Variants in HMGCLL1 observed in about 807,000 individuals in gnomAD.
HMGCLL1 encodes the protein 3-hydroxy-3-methylglutaryl-CoA lyase like 1.
HMGCLL1 carries 36 observed loss-of-function variants against 39.1 expected under a neutral mutation model. The observed-to-expected ratio is 0.92, with a 90% CI of 0.71 to 1.22. HMGCLL1 has a LOEUF of 1.22. HMGCLL1 is among the 50% of genes most tolerant of loss of function. The pLI is 0.00. For missense variants in HMGCLL1, 451 were observed against 416.5 expected (o/e 1.08, Z -0.72); for synonymous variants, 149 against 144.0 (o/e 1.03, Z -0.25).
chr6:55,447,513 T>G (rs998967408), intron 7 of HMGCLL1, among the ~76,000 whole-genome samples: 1 of 151,906 alleles, frequency 6.6e-6, no homozygotes, highest in Non-Finnish European at 1.5e-5. Flanking sequence ...CAAAAGGAGA[T>G]AGATTATATT....
the HMGCLL1 span, among the ~76,000 whole-genome samples, chr6:55,657,591 C>G: frequency 6.6e-6 from 1 of 151,542 alleles, no homozygotes; most frequent in Admixed American, 6.6e-5. Flanking sequence ...TACTGTAGCT[C>G]TATAGTATAG....
the HMGCLL1 span, among the ~76,000 whole-genome samples, chr6:55,621,298 C>T: frequency 1.3e-5 from 2 of 152,150 alleles, no homozygotes; most frequent in Non-Finnish European, 2.9e-5. Flanking sequence ...CAGTTTCTTG[C>T]ATGACTGTTT....
At chr6:55,600,634 A>T in the HMGCLL1 span, among the ~76,000 whole-genome samples, 2 of 152,138 alleles carry the variant, frequency 1.3e-5, no homozygotes, top group African/African-American at 2.4e-5. Context: ...AAAATATATT[A>T]ATCAAGATAT....
Position 55,504,869 on chromosome 6 carries a change from G to T in HMGCLL1, c.543-5570C>A, listed in dbSNP as rs370034467. Among the ~76,000 whole-genome samples, 110 of 151,660 alleles carry T rather than the reference G, an allele frequency of 7.3e-4. 1 individual carries two copies. In the Middle Eastern group the frequency reaches 0.017, roughly 23 times the overall value. The stretch of plus-strand genomic sequence containing the variant: ...TTTTTATAGTAAACAAATAGGTAAG[G>T]TTTATTTATGTTCTAAATCCTGTAG... On this transcript the variant is annotated intron_variant, in intron 5 of 8. Coordinates refer to ENST00000274901, the MANE Select transcript of HMGCLL1 (RefSeq NM_001042406.2).
At chr6:55,661,655 A>G in the HMGCLL1 span, among the ~76,000 whole-genome samples, 36 of 152,072 alleles carry the variant, frequency 2.4e-4, no homozygotes, top group African/African-American at 8.4e-4. Context: ...TGATGCCTCC[A>G]GCCTTATTCT....
the HMGCLL1 span, among the ~76,000 whole-genome samples, chr6:55,604,609 C>T: frequency 6.6e-6 from 1 of 152,136 alleles, no homozygotes; most frequent in South Asian, 2.1e-4. Context: ...TTTTCAAGGG[C>T]TATTGACAAA....
chr6:55,491,919 T>G (rs2127420926), intron 7 of HMGCLL1, among the ~76,000 whole-genome samples: 1 of 151,856 alleles, frequency 6.6e-6, no homozygotes, highest in East Asian at 1.9e-4. Flanking sequence ...AAATCATATA[T>G]TTAAGTAATA....
chr6:55,644,167 C>T, the HMGCLL1 span, among the ~76,000 whole-genome samples: 22 of 152,050 alleles, frequency 1.4e-4, no homozygotes, highest in Admixed American at 3.9e-4. Flanking sequence ...TGATGTTGAG[C>T]ACTTTTTCAT....
At chr6:55,477,930 A>G (rs1209056327) in intron 7 of HMGCLL1, among the ~76,000 whole-genome samples, 2 of 151,090 alleles carry the variant, frequency 1.3e-5, no homozygotes, top group Non-Finnish European at 3.0e-5. Flanking sequence ...TAAAAATCAA[A>G]CAGAGTCGAT....
intron 7 of HMGCLL1, among the ~76,000 whole-genome samples, chr6:55,477,273 AT>A (rs1765415515): frequency 5.5e-5 from 1 of 18,300 alleles, no homozygotes; most frequent in African/African-American, 5.1e-4. Context: ...TATATAATAT[AT>A]ATTATATATT....
chr6:55,628,567 G>A, the HMGCLL1 span, among the ~76,000 whole-genome samples: 6 of 151,812 alleles, frequency 4.0e-5, no homozygotes, highest in Admixed American at 3.3e-4. Context: ...GCCTCTTTCA[G>A]CCCTTTAAAT....
At chr6:55,662,356 T>A in the HMGCLL1 span, among the ~76,000 whole-genome samples, 3 of 151,598 alleles carry the variant, frequency 2.0e-5, no homozygotes, top group East Asian at 5.9e-4. Flanking sequence ...TAAGGTATAA[T>A]CCTTCAATGC....
At chr6:55,524,382 A>T (rs1367126498) in intron 3 of HMGCLL1, among the ~76,000 whole-genome samples, 2 of 151,044 alleles carry the variant, frequency 1.3e-5, no homozygotes, top group East Asian at 2.0e-4. Context: ...TTAAAATTTT[A>T]AAATTTCATA....
At chr6:55,621,311 T>C in the HMGCLL1 span, among the ~76,000 whole-genome samples, 26 of 152,222 alleles carry the variant, frequency 1.7e-4, no homozygotes, top group South Asian at 2.5e-3. Flanking sequence ...GACTGTTTTA[T>C]AGTAGGGGCT....
chr6:55,648,406 A>G, the HMGCLL1 span, among the ~76,000 whole-genome samples: 185 of 119,288 alleles, frequency 1.6e-3, 1 homozygote, highest in Middle Eastern at 7.8e-3. Flanking sequence ...AAAACCCTTC[A>G]AAAAATCAAT....
intron 6 of HMGCLL1, among the ~76,000 whole-genome samples, chr6:55,497,691 T>C (rs1766650049): frequency 6.6e-6 from 1 of 152,182 alleles, no homozygotes. Flanking sequence ...TTAGGACCTA[T>C]GTGACAACTT....
chr6:55,564,918 G>T (rs1420528909), intron 1 of HMGCLL1, among the ~76,000 whole-genome samples: 2 of 151,862 alleles, frequency 1.3e-5, no homozygotes, highest in Non-Finnish European at 2.9e-5. Context: ...ATTCATTCAG[G>T]TTTTTCCACC....
At chr6:55,545,413 T>C (rs960320746) in intron 1 of HMGCLL1, among the ~76,000 whole-genome samples, 6 of 152,182 alleles carry the variant, frequency 3.9e-5, no homozygotes, top group African/African-American at 1.4e-4. Flanking sequence ...GCAGAATATG[T>C]GTTCACTTGA....
At chr6:55,674,035 A>G in the HMGCLL1 span, among the ~76,000 whole-genome samples, 604 of 152,154 alleles carry the variant, frequency 4.0e-3, 7 homozygotes, top group African/African-American at 0.014. Context: ...AATAAGATGG[A>G]TAATTGGTAG....
Sources: gnomAD v4.1 joint callset for allele counts (sites outside exome capture counted in the v4.1 genomes callset) on GRCh38, gnomAD v4.1.1 for gene constraint, MANE v1.5 for transcripts, NCBI Gene and HGNC (gene_info 2026-07-23, HGNC 2026-07-21) for gene names.